Variants in MTMR2 observed in about 807,000 individuals in gnomAD.
The protein encoded by MTMR2 is myotubularin related protein 2, also known as phosphatidylinositol-3,5-bisphosphate 3-phosphatase MTMR2.
A neutral mutation model predicts 86.9 loss-of-function variants in MTMR2; 55 were observed. The observed-to-expected ratio is 0.63, with a 90% CI of 0.51 to 0.79. MTMR2 has a LOEUF of 0.79. Ranked by LOEUF, MTMR2 falls within the 30% of genes least tolerant of loss-of-function variation. The pLI is 0.00. For synonymous variants in MTMR2, 241 were observed against 266.8 expected, an observed-to-expected ratio of 0.90 and a Z score of 0.94; for missense variants, 659 against 772.3, an observed-to-expected ratio of 0.85 and a Z score of 1.74.
chr11:95,841,168 C>G (rs189552511), intron 12 of MTMR2, among the ~76,000 whole-genome samples: 109 of 151,990 alleles, frequency 7.2e-4, no homozygotes, highest in African/African-American at 2.5e-3. Flanking sequence ...TATGTGCCTC[C>G]CTTGTTATGC....
At position 95,836,247 on chromosome 11, in the gene MTMR2, C is replaced by T; in HGVS notation, c.1671G>A (p.Gly557=). Residue 557 remains glycine (G), a synonymous_variant, in exon 14 of 15, where the codon GGG becomes GGA. Coordinates refer to ENST00000346299, the MANE Select transcript of MTMR2 (RefSeq NM_016156.6). ...QLEDFTNPLY[G]SYSNHVLYPV... ...GATAAAGGACATGATTGGAATAGCTCCCATAGAGAGGATTAGTGAAGTCTT... is the reference window on the plus strand; with the variant it reads ...GATAAAGGACATGATTGGAATAGCTTCCATAGAGAGGATTAGTGAAGTCTT... The T allele has an allele frequency of 6.2e-7, 1 of 1,612,872 alleles. No individual in the cohort carries two copies. The highest frequency in any genetic ancestry group is 8.5e-7 in the Non-Finnish European group (1 of 1,179,162).
intron 14 of MTMR2, 101 bp downstream of exon 14, chr11:95,836,047 A>C: frequency 1.7e-6 from 2 of 1,182,584 alleles, no homozygotes; most frequent in Non-Finnish European, 1.3e-6. Flanking sequence ...GGTAAGGAGT[A>C]AAGTTTTAAA....
chr11:95,905,231 ACTC>A (rs1266597532), intron 1 of MTMR2, among the ~76,000 whole-genome samples: 1 of 150,334 alleles, frequency 6.7e-6, no homozygotes, highest in Non-Finnish European at 1.5e-5. Flanking sequence ...TTCTCTACGT[ACTC>A]CTCCTCTCCT....
intron 5 of MTMR2, 71 bp downstream of exon 5, chr11:95,861,921 C>G (rs2078127460): frequency 8.8e-7 from 1 of 1,131,934 alleles, no homozygotes; most frequent in African/African-American, 1.6e-5. Context: ...AAACCAATTT[C>G]AAAACAGAGG....
rs954914657 is a variant in MTMR2, at chr11:95,924,087, G to C, written c.-133C>G. The C allele has an allele frequency of 5.0e-6, 6 of 1,204,310 alleles. No homozygotes were observed. In the African/African-American group the frequency reaches 7.5e-5, roughly 15 times the overall value. The allele number at this position is 1,204,310 out of a possible 1,614,324, so 74.6% of individuals were successfully genotyped here. A position where few individuals can be genotyped will look rare whatever the true frequency, so the allele number is the denominator to read the frequency against. ...CCGGCCCGGGAGGGAGACCGGAAGCGGCCATGTTCCCCCAGAGTGCACCGC... is the reference window on the plus strand; with the variant it reads ...CCGGCCCGGGAGGGAGACCGGAAGCCGCCATGTTCCCCCAGAGTGCACCGC... On this transcript the variant is annotated 5_prime_UTR_variant, in exon 1 of 15. Transcript: ENST00000346299.
At chr11:95,907,632 G>T (rs974167313) in intron 1 of MTMR2, among the ~76,000 whole-genome samples, 1 of 152,058 alleles carries the variant, frequency 6.6e-6, no homozygotes, top group Non-Finnish European at 1.5e-5. Flanking sequence ...GTAGCAAATC[G>T]AATCAAGCAG....
At chr11:95,850,826 G>A in intron 7 of MTMR2, 77 bp from the exon 8 acceptor site, 1 of 1,386,726 alleles carries the variant, frequency 7.2e-7, no homozygotes, top group Non-Finnish European at 1.0e-6. Flanking sequence ...AAGCCATCCT[G>A]TTCAATCTCT....
At chr11:95,914,103 C>T (rs548077457) in intron 1 of MTMR2, 3 of 782,950 alleles carry the variant, frequency 3.8e-6, no homozygotes, top group Non-Finnish European at 4.6e-6. Context: ...AGGACAGGGA[C>T]TTGGAAATGG....
chr11:95,845,227 A>G, intron 10 of MTMR2, 68 bp from the exon 11 acceptor site: 1 of 1,276,518 alleles, frequency 7.8e-7, no homozygotes. Context: ...AAAATTTACT[A>G]ATACAGCTTA....
intron 2 of MTMR2, among the ~76,000 whole-genome samples, chr11:95,874,579 A>G (rs1236818531): frequency 6.6e-6 from 1 of 152,204 alleles, no homozygotes; most frequent in East Asian, 1.9e-4. Flanking sequence ...TAATTGGAGC[A>G]TTTAGCCTGT....
intron 1 of MTMR2, among the ~76,000 whole-genome samples, chr11:95,910,980 AC>A (rs1188098208): frequency 1.3e-5 from 2 of 151,918 alleles, no homozygotes; most frequent in Admixed American, 1.3e-4. Flanking sequence ...CAGAAAAACA[AC>A]CCCCCCAAAA....
intron 1 of MTMR2, 68 bp downstream of exon 1, chr11:95,923,807 T>C: frequency 6.5e-7 from 1 of 1,526,766 alleles, no homozygotes; most frequent in South Asian, 1.2e-5. Flanking sequence ...GGGGCAACAA[T>C]CCAGCAGGTC....
At chr11:95,839,747 A>G (rs1340230846) in intron 12 of MTMR2, among the ~76,000 whole-genome samples, 1 of 152,178 alleles carries the variant, frequency 6.6e-6, no homozygotes, top group East Asian at 1.9e-4. Flanking sequence ...GTGCTATTCA[A>G]GTCTCTGTAC....
chr11:95,902,493 C>T (rs935614853), intron 1 of MTMR2, among the ~76,000 whole-genome samples: 1 of 152,284 alleles, frequency 6.6e-6, no homozygotes, highest in East Asian at 1.9e-4. Context: ...ACATTAAAAA[C>T]TGTAAGGGCT....
intron 7 of MTMR2, among the ~76,000 whole-genome samples, chr11:95,853,770 G>A (rs981056346): frequency 6.6e-6 from 1 of 152,112 alleles, no homozygotes; most frequent in Non-Finnish European, 1.5e-5. Context: ...TATTTAGAAG[G>A]TATTATATGA....
At chr11:95,867,506 A>G (rs1864659090) in intron 2 of MTMR2, among the ~76,000 whole-genome samples, 1 of 152,216 alleles carries the variant, frequency 6.6e-6, no homozygotes, top group Middle Eastern at 3.2e-3. Context: ...AGAACCACAC[A>G]TAGGCTTTCT....
At chr11:95,849,581 T>G in intron 9 of MTMR2, 93 bp downstream of exon 9, 2 of 1,139,420 alleles carry the variant, frequency 1.8e-6, no homozygotes, top group Non-Finnish European at 2.6e-6. Flanking sequence ...TGTTTACCAC[T>G]GTAGAGCCTG....
intron 5 of MTMR2, among the ~76,000 whole-genome samples, chr11:95,860,326 AC>A (rs1190104088): frequency 6.6e-6 from 1 of 152,034 alleles, no homozygotes; most frequent in South Asian, 2.1e-4. Flanking sequence ...ATGTGGTGAA[AC>A]CCATCTCTAC....
chr11:95,905,466 A>C (rs1339720471), intron 1 of MTMR2, among the ~76,000 whole-genome samples: 2 of 152,146 alleles, frequency 1.3e-5, no homozygotes, highest in African/African-American at 4.8e-5. Flanking sequence ...CAGAAAATGA[A>C]GTTACTGTTA....
Sources: gnomAD v4.1 joint callset for allele counts (sites outside exome capture counted in the v4.1 genomes callset) on GRCh38, gnomAD v4.1.1 for gene constraint, MANE v1.5 for transcripts, NCBI Gene and HGNC (gene_info 2026-07-23, HGNC 2026-07-21) for gene names.